Variants in STAG1 observed in about 807,000 individuals in gnomAD.
The protein encoded by STAG1 is STAG1 cohesin complex component.
In STAG1, 26 loss-of-function variants were observed where a neutral mutation model predicts 170.9. That is an observed-to-expected ratio of 0.15 (90% CI 0.11 to 0.21). The LOEUF (loss-of-function observed/expected upper bound fraction) is 0.21. Among genes scored for constraint, STAG1 ranks in the 10% least tolerant of loss-of-function variants. The probability of loss-of-function intolerance (pLI) is 1.00; values close to 1 mark genes in which losing one functional copy is unlikely to be tolerated. For missense variants in STAG1, 964 were observed against 1,509.5 expected (o/e 0.64, Z 5.99); for synonymous variants, 514 against 497.7 (o/e 1.03, Z -0.44).
chr3:136,662,298 C>T (rs1452414220), intron 1 of STAG1, among the ~76,000 whole-genome samples: 1 of 151,822 alleles, frequency 6.6e-6, no homozygotes, highest in Non-Finnish European at 1.5e-5. Context: ...ATTACAGGTA[C>T]CTGCCACCAT....
intron 4 of STAG1, among the ~76,000 whole-genome samples, chr3:136,583,053 C>G (rs894174869): frequency 6.6e-5 from 10 of 152,182 alleles, no homozygotes; most frequent in African/African-American, 2.4e-4. Flanking sequence ...TTCTTTATTA[C>G]AAAATATAAT....
chr3:136,399,307 CCA>C (rs1473569694), intron 21 of STAG1, among the ~76,000 whole-genome samples: 1 of 152,088 alleles, frequency 6.6e-6, no homozygotes, highest in African/African-American at 2.4e-5. Flanking sequence ...ACCTGTGTAA[CCA>C]CCACCCACAT....
chr3:136,343,501 C>G (rs1936086799), intron 30 of STAG1, among the ~76,000 whole-genome samples: 1 of 152,206 alleles, frequency 6.6e-6, no homozygotes, highest in Non-Finnish European at 1.5e-5. Context: ...AATATAGGCT[C>G]TTACAGGTTT....
At chr3:136,519,993 G>C (rs972305427) in intron 7 of STAG1, among the ~76,000 whole-genome samples, 1 of 152,032 alleles carries the variant, frequency 6.6e-6, no homozygotes, top group African/African-American at 2.4e-5. Flanking sequence ...TGTTTACTTG[G>C]TTAGGACTGT....
At chr3:136,705,133 T>C (rs976383492) in intron 1 of STAG1, among the ~76,000 whole-genome samples, 3 of 152,186 alleles carry the variant, frequency 2.0e-5, no homozygotes, top group African/African-American at 7.2e-5. Flanking sequence ...CCCAGCACTT[T>C]GGGAGGCCAA....
Position 136,549,625 on chromosome 3 carries a change from T to C in STAG1, c.395-7430A>G, listed in dbSNP as rs532380527. ...CTGGTTTTCTATATATAAGATTATG[T>C]CATCTGTTAACAGAAACAATTTCAC... is the stretch of plus-strand genomic sequence containing the variant. On this transcript the variant is annotated intron_variant, in intron 5 of 33. Transcript: ENST00000383202. Among the ~76,000 whole-genome samples, 18 of 150,752 alleles carry C rather than the reference T, an allele frequency of 1.2e-4. No homozygotes were observed. The South Asian group carries it at 2.7e-3, about 23-fold the overall frequency.
At chr3:136,485,681 C>G (rs748685207) in intron 9 of STAG1, among the ~76,000 whole-genome samples, 2 of 152,108 alleles carry the variant, frequency 1.3e-5, no homozygotes, top group Non-Finnish European at 2.9e-5. Context: ...TCTCCCTTCC[C>G]AAGAGTAAAT....
At chr3:136,666,744 C>G (rs979631539) in intron 1 of STAG1, among the ~76,000 whole-genome samples, 1 of 151,558 alleles carries the variant, frequency 6.6e-6, no homozygotes, top group Non-Finnish European at 1.5e-5. Context: ...CGCTAGAACC[C>G]TGGAGGTGGA....
chr3:136,682,509 G>C (rs6789152), intron 1 of STAG1, among the ~76,000 whole-genome samples: 6 of 149,786 alleles, frequency 4.0e-5, no homozygotes, highest in Non-Finnish European at 5.9e-5. Context: ...TATGTCACAC[G>C]AAAAAAACAC....
At chr3:136,425,402 T>G (rs1453875079) in intron 16 of STAG1, among the ~76,000 whole-genome samples, 2 of 152,168 alleles carry the variant, frequency 1.3e-5, no homozygotes, top group South Asian at 4.1e-4. Flanking sequence ...TCTGTATGTG[T>G]ACATGCCTTT....
intron 1 of STAG1, among the ~76,000 whole-genome samples, chr3:136,700,867 A>ATT (rs1030124272): frequency 8.7e-6 from 1 of 114,860 alleles, no homozygotes; most frequent in Non-Finnish European, 1.8e-5. Context: ...TGTGTGCTCT[A>ATT]TTTTTTTTCT....
chr3:136,538,170 T>C (rs1434510235), intron 6 of STAG1, among the ~76,000 whole-genome samples: 1 of 152,194 alleles, frequency 6.6e-6, no homozygotes, highest in East Asian at 1.9e-4. Flanking sequence ...GTCTTATCTG[T>C]CCATTAAAAT....
At chr3:136,602,892 A>T (rs754161041) in intron 4 of STAG1, among the ~76,000 whole-genome samples, 8 of 152,104 alleles carry the variant, frequency 5.3e-5, no homozygotes, top group Non-Finnish European at 1.0e-4. Flanking sequence ...AAAGGTCACA[A>T]ATCTATTTTT....
chr3:136,534,728 T>C (rs1167596463), intron 6 of STAG1, among the ~76,000 whole-genome samples: 1 of 152,108 alleles, frequency 6.6e-6, no homozygotes, highest in Non-Finnish European at 1.5e-5. Context: ...ATGGCTATTA[T>C]TAAAGAGAAG....
intron 4 of STAG1, among the ~76,000 whole-genome samples, chr3:136,590,960 A>G (rs1400121798): frequency 6.6e-6 from 1 of 151,800 alleles, no homozygotes; most frequent in Non-Finnish European, 1.5e-5. Flanking sequence ...GACCCCCCAG[A>G]AAAGCTGTAT....
chr3:136,403,797 G>T (rs574185844), intron 21 of STAG1, among the ~76,000 whole-genome samples: 31 of 152,162 alleles, frequency 2.0e-4, no homozygotes, highest in Admixed American at 5.9e-4. Context: ...CTTGTCAGGG[G>T]TTATGAGGGA....
chr3:136,366,843 A>G, intron 25 of STAG1, 100 bp downstream of exon 25: 1 of 915,420 alleles, frequency 1.1e-6, no homozygotes. Flanking sequence ...CACATTACAT[A>G]GGTGAAAAGC....
rs532457750 is a variant in STAG1, at chr3:136,744,273, G to T, written c.-84+7922C>A. 1.4e-3 allele frequency among the ~76,000 whole-genome samples: 209 copies of T among 152,340 alleles called. 1 individual carries two copies. Among genetic ancestry groups the T allele is most frequent in the African/African-American group, 4.8e-3 (198 of 41,560 alleles). Reference sequence around the variant, plus strand: ...ACTGGGGAAGCAGAGGATGCGGTAAGCCGAGATTGCACCATTGCACTCCAG... The same window carrying T: ...ACTGGGGAAGCAGAGGATGCGGTAATCCGAGATTGCACCATTGCACTCCAG... On this transcript the variant is annotated intron_variant, in intron 1 of 33. Transcript: ENST00000383202.
intron 9 of STAG1, among the ~76,000 whole-genome samples, chr3:136,499,061 T>C (rs763978555): frequency 9.9e-5 from 15 of 152,222 alleles, no homozygotes; most frequent in Non-Finnish European, 1.5e-4. Context: ...TAGACCTCCA[T>C]GTAAACAGGT....
Sources: allele counts gnomAD v4.1 joint callset (sites outside exome capture counted in the v4.1 genomes callset), GRCh38; gene constraint gnomAD v4.1.1; transcripts MANE v1.5; gene names NCBI Gene and HGNC (gene_info 2026-07-23, HGNC 2026-07-21).